The following NBEA variants were observed in gnomAD, a reference collection of about 807,000 sequenced individuals.
NBEA encodes lysosomal-trafficking regulator 2.
A neutral mutation model predicts 343.4 loss-of-function variants in NBEA; 44 were observed. The observed-to-expected ratio is 0.13, with a 90% CI of 0.10 to 0.16. NBEA has a LOEUF of 0.16. Among genes scored for constraint, NBEA ranks in the 10% least tolerant of loss-of-function variants. The pLI, the probability that NBEA is intolerant of heterozygous loss-of-function variation, is 1.00. For synonymous variants in NBEA, 1,175 were observed against 1,238.7 expected (o/e 0.95, Z 1.08); for missense variants, 2,555 against 3,631.3 (o/e 0.70, Z 7.62).
At chr13:35,232,221 C>T (rs1055695513) in intron 33 of NBEA, among the ~76,000 whole-genome samples, 7 of 152,148 alleles carry the variant, frequency 4.6e-5, no homozygotes, top group African/African-American at 7.2e-5. Flanking sequence ...ACATGACGCT[C>T]ATAGAGCGGT....
At chr13:35,297,970 A>G (rs895098275) in intron 35 of NBEA, among the ~76,000 whole-genome samples, 1 of 151,682 alleles carries the variant, frequency 6.6e-6, no homozygotes, top group Admixed American at 6.6e-5. Context: ...GTCCCCCTAC[A>G]CAGTCAAAAA....
intron 26 of NBEA, among the ~76,000 whole-genome samples, chr13:35,171,936 CT>C (rs1018260445): frequency 5.3e-5 from 8 of 151,952 alleles, no homozygotes; most frequent in Non-Finnish European, 7.4e-5. Context: ...TGCTGTTCAC[CT>C]TTTATCTGTG....
intron 40 of NBEA, among the ~76,000 whole-genome samples, chr13:35,466,994 T>G (rs552993242): frequency 1.4e-4 from 22 of 152,248 alleles, no homozygotes; most frequent in African/African-American, 5.1e-4. Context: ...TTTCTAGAAC[T>G]TCCCCCCTCC....
chr13:35,257,390 C>G, intron 34 of NBEA, among the ~76,000 whole-genome samples: 1 of 152,100 alleles, frequency 6.6e-6, no homozygotes, highest in East Asian at 1.9e-4. Context: ...TGATTAATTT[C>G]TGTACTACTC....
intron 31 of NBEA, among the ~76,000 whole-genome samples, chr13:35,206,613 A>G (rs562742495): frequency 6.0e-5 from 9 of 151,076 alleles, no homozygotes; most frequent in Non-Finnish European, 1.2e-4. Context: ...TTATAAGTAG[A>G]TGCCTTATAT....
chr13:35,369,856 T>G (rs1030512088), intron 38 of NBEA, among the ~76,000 whole-genome samples: 8 of 152,002 alleles, frequency 5.3e-5, no homozygotes, highest in African/African-American at 1.9e-4. Context: ...CTTGCCTGAT[T>G]GCTCTGTTCA....
chr13:35,615,500 C>A (rs1055989283), intron 48 of NBEA, among the ~76,000 whole-genome samples: 4 of 151,948 alleles, frequency 2.6e-5, no homozygotes, highest in African/African-American at 4.8e-5. Flanking sequence ...TGCACCACCA[C>A]GCCCGGCTAA....
chr13:35,614,274 C>A (rs1037657410), intron 48 of NBEA, among the ~76,000 whole-genome samples: 1 of 152,116 alleles, frequency 6.6e-6, no homozygotes, highest in Admixed American at 6.6e-5. Context: ...TTGTTCCCTG[C>A]CCTTTTATAC....
At chr13:35,042,886 T>A (rs2062706291) in intron 2 of NBEA, among the ~76,000 whole-genome samples, 2 of 151,928 alleles carry the variant, frequency 1.3e-5, no homozygotes, top group South Asian at 4.2e-4. Context: ...TCTGAATGTA[T>A]TGTAGTATGT....
intron 36 of NBEA, among the ~76,000 whole-genome samples, chr13:35,321,561 G>T (rs1197843434): frequency 6.6e-6 from 1 of 152,230 alleles, no homozygotes; most frequent in African/African-American, 2.4e-5. Context: ...CTTCAGTCAG[G>T]AAGCACTGTG....
chr13:35,004,621 G>T (rs2061255169), intron 1 of NBEA, among the ~76,000 whole-genome samples: 2 of 152,080 alleles, frequency 1.3e-5, no homozygotes, highest in Admixed American at 1.3e-4. Flanking sequence ...GGATATCGCT[G>T]TATTTTTCTC....
At chr13:34,993,255 A>C (rs954802525) in intron 1 of NBEA, among the ~76,000 whole-genome samples, 1 of 152,124 alleles carries the variant, frequency 6.6e-6, no homozygotes, top group South Asian at 2.1e-4. Context: ...TTATTTTTTC[A>C]GTTATTTCAT....
chr13:35,042,613 G>A (rs1389364487), intron 2 of NBEA, among the ~76,000 whole-genome samples: 1 of 151,758 alleles, frequency 6.6e-6, no homozygotes, highest in African/African-American at 2.4e-5. Flanking sequence ...TTGTACCATA[G>A]AAGTTCATAT....
At chr13:35,543,742 C>T (rs1178425254) in intron 41 of NBEA, among the ~76,000 whole-genome samples, 2 of 152,092 alleles carry the variant, frequency 1.3e-5, no homozygotes, top group Non-Finnish European at 2.9e-5. Context: ...AGAACCTGTA[C>T]TATCTTATGT....
At chr13:35,095,002 A>C (rs1344593856) in intron 10 of NBEA, among the ~76,000 whole-genome samples, 1 of 151,890 alleles carries the variant, frequency 6.6e-6, no homozygotes, top group Non-Finnish European at 1.5e-5. Flanking sequence ...TTAAAAAGCC[A>C]ATCTAGCTGT....
chr13:35,067,526 C>T (rs867912131), intron 8 of NBEA, among the ~76,000 whole-genome samples: 5 of 151,860 alleles, frequency 3.3e-5, no homozygotes, highest in Admixed American at 6.6e-5. Flanking sequence ...CAAAGTTGTG[C>T]GGACATCACT....
intron 38 of NBEA, among the ~76,000 whole-genome samples, chr13:35,368,675 C>T (rs888094948): frequency 1.3e-5 from 2 of 151,414 alleles, no homozygotes; most frequent in African/African-American, 4.8e-5. Flanking sequence ...GCTGTCTGAA[C>T]GATTTTTAAC....
intron 31 of NBEA, among the ~76,000 whole-genome samples, chr13:35,202,199 C>G (rs1303606491): frequency 6.6e-6 from 1 of 152,138 alleles, no homozygotes; most frequent in African/African-American, 2.4e-5. Context: ...TCAGCCCACT[C>G]TTCCTTGATT....
intron 20 of NBEA, among the ~76,000 whole-genome samples, chr13:35,156,863 G>C (rs905291565): frequency 1.3e-5 from 2 of 152,110 alleles, no homozygotes; most frequent in Non-Finnish European, 1.5e-5. Flanking sequence ...GTGAAAGTTA[G>C]GAAAATGATT....
Sources: allele counts gnomAD v4.1 joint callset (sites outside exome capture counted in the v4.1 genomes callset), GRCh38; gene constraint gnomAD v4.1.1; transcripts MANE v1.5; gene names NCBI Gene and HGNC (gene_info 2026-07-23, HGNC 2026-07-21).